Variants in CTDSPL observed in about 807,000 individuals in gnomAD.
The protein encoded by CTDSPL is CTD small phosphatase-like protein.
Under a neutral mutation model 30.5 loss-of-function variants are expected in CTDSPL, and 8 were observed. That is an observed-to-expected ratio of 0.26 (90% confidence interval 0.15 to 0.47). The LOEUF is 0.47. Ranked by LOEUF, CTDSPL falls within the 20% of genes least tolerant of loss-of-function variation. The probability of loss-of-function intolerance (pLI) is 0.99; values close to 1 mark genes in which losing one functional copy is unlikely to be tolerated. For synonymous variants in CTDSPL, 110 were observed against 137.9 expected (o/e 0.80, Z 1.42); for missense variants, 248 against 366.1 (o/e 0.68, Z 2.63).
intron 1 of CTDSPL, among the ~76,000 whole-genome samples, chr3:37,899,695 G>A (rs1698427313): frequency 6.6e-6 from 1 of 152,188 alleles, no homozygotes; most frequent in African/African-American, 2.4e-5. Flanking sequence ...TCTCAAAAAA[G>A]CAAGGACTCA....
At chr3:37,872,403 G>T (rs1299142740) in intron 1 of CTDSPL, among the ~76,000 whole-genome samples, 2 of 151,548 alleles carry the variant, frequency 1.3e-5, no homozygotes, top group Admixed American at 6.6e-5. Flanking sequence ...GGACATTTTT[G>T]TATTATGTTA....
At chr3:37,931,823 A>G (rs1297548512) in intron 1 of CTDSPL, among the ~76,000 whole-genome samples, 1 of 151,594 alleles carries the variant, frequency 6.6e-6, no homozygotes, top group Non-Finnish European at 1.5e-5. Flanking sequence ...TTTTCATTTT[A>G]ACTTTTATTT....
intron 7 of CTDSPL, among the ~76,000 whole-genome samples, chr3:37,979,095 A>G (rs1487045376): frequency 1.3e-5 from 2 of 152,180 alleles, no homozygotes; most frequent in East Asian, 3.8e-4. Context: ...AATTATGGCT[A>G]ATAATAAGAC....
chr3:37,907,627 A>G lies in CTDSPL; in HGVS notation c.80-39430A>G, dbSNP rs1698533486. Among the ~76,000 whole-genome samples the G allele has an allele frequency of 3.3e-5, 5 of 152,222 alleles. No homozygotes were observed. In the South Asian group the frequency reaches 1.0e-3, roughly 31 times the overall value. On this transcript the variant is annotated intron_variant, in intron 1 of 7. Coordinates refer to ENST00000273179, the MANE Select transcript of CTDSPL (RefSeq NM_001008392.2). ...GGTGGGGGTGTACCACAGTGTATTT[A>G]TCACACAGCAGTTAGGAACTGTACG...
intron 7 of CTDSPL, among the ~76,000 whole-genome samples, chr3:37,976,771 C>T (rs1699433781): frequency 6.6e-6 from 1 of 152,160 alleles, no homozygotes; most frequent in Non-Finnish European, 1.5e-5. Context: ...TGGCAGCTCT[C>T]GGTGCCTACT....
At chr3:37,939,841 C>T (rs1476478575) in intron 1 of CTDSPL, among the ~76,000 whole-genome samples, 2 of 150,362 alleles carry the variant, frequency 1.3e-5, no homozygotes, top group Non-Finnish European at 1.5e-5. Flanking sequence ...CGCCTATAAT[C>T]CCCGCACTTT....
At chr3:37,866,980 T>C (rs1698017541) in intron 1 of CTDSPL, among the ~76,000 whole-genome samples, 1 of 152,210 alleles carries the variant, frequency 6.6e-6, no homozygotes, top group African/African-American at 2.4e-5. Flanking sequence ...CCGGTTTCTC[T>C]TATTACTGAC....
chr3:37,883,173 A>G (rs1433546038), intron 1 of CTDSPL, among the ~76,000 whole-genome samples: 2 of 151,342 alleles, frequency 1.3e-5, no homozygotes, highest in Admixed American at 6.6e-5. Flanking sequence ...GAAATGGAAT[A>G]TTAAGAAGAG....
intron 5 of CTDSPL, among the ~76,000 whole-genome samples, chr3:37,970,251 C>G (rs1699351954): frequency 6.6e-6 from 1 of 152,214 alleles, no homozygotes; most frequent in Admixed American, 6.5e-5. Flanking sequence ...CAAATGTTAT[C>G]TTCTATGATC....
At chr3:37,959,166 G>A (rs1699208010) in intron 3 of CTDSPL, among the ~76,000 whole-genome samples, 1 of 152,196 alleles carries the variant, frequency 6.6e-6, no homozygotes, top group South Asian at 2.1e-4. Flanking sequence ...CTCTAAGCCT[G>A]TGGTGACCAG....
intron 1 of CTDSPL, among the ~76,000 whole-genome samples, chr3:37,874,605 T>C (rs149769341): frequency 0.011 from 1,601 of 152,176 alleles, 35 homozygotes; most frequent in South Asian, 0.078. Flanking sequence ...TGGCACGCAC[T>C]GGTAGTCCCA....
chr3:37,970,015 G>A (rs1395709541), intron 5 of CTDSPL, among the ~76,000 whole-genome samples: 1 of 152,098 alleles, frequency 6.6e-6, no homozygotes, highest in East Asian at 1.9e-4. Flanking sequence ...AGGCCCTAAT[G>A]TGCCCACTGT....
intron 1 of CTDSPL, among the ~76,000 whole-genome samples, chr3:37,943,351 G>C (rs929463784): frequency 1.3e-5 from 2 of 150,020 alleles, no homozygotes; most frequent in African/African-American, 2.4e-5. Context: ...GGGGAAATGG[G>C]GGGAGGAGGA....
intron 1 of CTDSPL, among the ~76,000 whole-genome samples, chr3:37,920,217 G>T (rs919086190): frequency 6.6e-6 from 1 of 152,158 alleles, no homozygotes; most frequent in African/African-American, 2.4e-5. Flanking sequence ...AGCCTTTGAG[G>T]ATATGCTCAG....
chr3:37,968,509 A>C (rs928374888), intron 5 of CTDSPL: 3 of 238,378 alleles, frequency 1.3e-5, no homozygotes, highest in African/African-American at 4.6e-5. Flanking sequence ...TTTATGAACA[A>C]ATTGGGAATG....
intron 1 of CTDSPL, among the ~76,000 whole-genome samples, chr3:37,886,394 A>G (rs546568393): frequency 6.6e-6 from 1 of 152,100 alleles, no homozygotes; most frequent in Non-Finnish European, 1.5e-5. Context: ...GCCCTATCAC[A>G]ATGACCAGTC....
intron 4 of CTDSPL, 63 bp downstream of exon 4, chr3:37,964,735 G>A (rs1699281539): frequency 1.5e-6 from 2 of 1,304,534 alleles, no homozygotes; most frequent in South Asian, 1.2e-5. Context: ...TATTGGAAAA[G>A]GGAAAACAAA....
intron 1 of CTDSPL, among the ~76,000 whole-genome samples, chr3:37,924,095 C>T (rs1373070236): frequency 6.6e-6 from 1 of 152,202 alleles, no homozygotes. Context: ...GGCCTCTTGC[C>T]GTATGGCATT....
chr3:37,882,335 G>T (rs189253936), intron 1 of CTDSPL, among the ~76,000 whole-genome samples: 11 of 151,814 alleles, frequency 7.2e-5, no homozygotes, highest in African/African-American at 2.7e-4. Flanking sequence ...CCAGCTACTC[G>T]GGAGGCTGAG....
Sources: allele counts gnomAD v4.1 joint callset (sites outside exome capture counted in the v4.1 genomes callset), GRCh38; gene constraint gnomAD v4.1.1; transcripts MANE v1.5; gene names NCBI Gene and HGNC (gene_info 2026-07-23, HGNC 2026-07-21).